Variants in LAMC2 observed in about 807,000 individuals in gnomAD.
The protein encoded by LAMC2 is laminin subunit gamma-2.
A neutral mutation model predicts 140.2 loss-of-function variants in LAMC2; 97 were observed. That is an observed-to-expected ratio of 0.69 (90% CI 0.59 to 0.82). The LOEUF (loss-of-function observed/expected upper bound fraction) is 0.82. Ranked by LOEUF, LAMC2 falls within the 40% of genes least tolerant of loss-of-function variation. LAMC2 has a pLI of 0.00. For missense variants in LAMC2, 1,402 were observed against 1,476.1 expected, an observed-to-expected ratio of 0.95 and a Z score of 0.82; for synonymous variants, 513 against 540.2, an observed-to-expected ratio of 0.95 and a Z score of 0.70.
downstream of LAMC2, among the ~76,000 whole-genome samples, chr1:183,246,186 AAG>A (rs1660239427): frequency 6.6e-6 from 1 of 151,870 alleles, no homozygotes; most frequent in Admixed American, 6.6e-5. Context: ...AAAAAAAAAA[AAG>A]GTCGTAAGAC....
chr1:183,204,773 A>G (rs1658830394), intron 1 of LAMC2, among the ~76,000 whole-genome samples: 2 of 152,256 alleles, frequency 1.3e-5, no homozygotes, highest in Non-Finnish European at 2.9e-5. Context: ...GAATAAATAT[A>G]TAATGAGCTG....
chr1:183,187,593 C>T (rs1658195489), intron 1 of LAMC2, among the ~76,000 whole-genome samples: 1 of 150,836 alleles, frequency 6.6e-6, no homozygotes, highest in South Asian at 2.1e-4. Context: ...TATATCGAAA[C>T]ATCATGTTGT....
rs1354061178 is a variant in LAMC2 at position 183,228,669 on chromosome 1, T to G, written c.1714+50T>G. The G allele has an allele frequency of 1.2e-6, 2 of 1,608,706 alleles. No individual in the cohort carries two copies. The highest frequency in any genetic ancestry group is 1.7e-6 in the Non-Finnish European group (2 of 1,178,254). The stretch of plus-strand genomic sequence containing the variant: ...GTGTCTGTGCGTGCCTGTGTACGTA[T>G]GCACTTGCTTGCCATCTAAGCAGGG... On this transcript the variant is annotated intron_variant, in intron 11 of 22. Coordinates refer to ENST00000264144, the MANE Select transcript of LAMC2 (RefSeq NM_005562.3). This position sits in a 1 kb window ranked among gnomAD's most constrained non-coding sequence, Gnocchi z 4.3.
chr1:183,234,189 T>C (rs897085211), intron 14 of LAMC2, among the ~76,000 whole-genome samples, 178 bp from the exon 15 acceptor site: 6 of 152,188 alleles, frequency 3.9e-5, no homozygotes, highest in Admixed American at 2.6e-4. Flanking sequence ...ACCCGGCCTA[T>C]ACATACTTTT....
At chr1:183,258,175 G>GT in the LAMC2 span, among the ~76,000 whole-genome samples, 1 of 152,134 alleles carries the variant, frequency 6.6e-6, no homozygotes, top group African/African-American at 2.4e-5. Flanking sequence ...CTTCTGCACA[G>GT]TTTTTTTCCA....
intron 10 of LAMC2, 41 bp downstream of exon 10, chr1:183,227,738 C>T: frequency 6.3e-7 from 1 of 1,579,180 alleles, no homozygotes; most frequent in South Asian, 1.1e-5. Flanking sequence ...CTCTTCCTGT[C>T]CTGATGCCAT....
chr1:183,234,348 G>A lies in LAMC2; in HGVS notation c.2221-19G>A, dbSNP rs376681961. 3 of 1,605,810 alleles carry A rather than the reference G, an allele frequency of 1.9e-6. No individual in the cohort carries two copies. The highest frequency in any genetic ancestry group is 2.2e-5 in the East Asian group (1 of 44,854). On this transcript the variant is annotated intron_variant, in intron 14 of 22. Coordinates refer to ENST00000264144, the MANE Select transcript of LAMC2 (RefSeq NM_005562.3). ...AAGCCTTAACCGATTCGCCTTAACC[G>A]ATTCTCCTTTTCCCACAGAACATTC... is the stretch of plus-strand genomic sequence containing the variant.
At chr1:183,212,142 C>T (rs1263442934) in intron 2 of LAMC2, among the ~76,000 whole-genome samples, 2 of 152,096 alleles carry the variant, frequency 1.3e-5, no homozygotes, top group Non-Finnish European at 2.9e-5. Context: ...TTCTGAAAAA[C>T]TACTGCAGGG....
At chr1:183,234,531 A>G (rs1659895298) in intron 15 of LAMC2, 85 bp downstream of exon 15, 2 of 1,064,260 alleles carry the variant, frequency 1.9e-6, no homozygotes, top group Admixed American at 1.8e-5. Flanking sequence ...TAGGGACCCA[A>G]GCATCGTATT....
chr1:183,256,827 C>G, the LAMC2 span, among the ~76,000 whole-genome samples: 6 of 152,260 alleles, frequency 3.9e-5, no homozygotes, highest in Admixed American at 3.3e-4. Context: ...TCTCAGTTCA[C>G]TGCAACCTCT....
chr1:183,217,495 A>T (rs949574367), intron 3 of LAMC2, among the ~76,000 whole-genome samples: 5 of 152,240 alleles, frequency 3.3e-5, no homozygotes, highest in Admixed American at 2.6e-4. Context: ...TCACAGCAAC[A>T]TTACTCATAA....
At chr1:183,255,677 T>A in the LAMC2 span, among the ~76,000 whole-genome samples, 5 of 149,878 alleles carry the variant, frequency 3.3e-5, no homozygotes, top group Non-Finnish European at 5.9e-5. Flanking sequence ...TTTTTTTTTT[T>A]TTTTCAGACA....
the LAMC2 span, chr1:183,251,495 G>GTGTTTTTTTGTTTTGTTT: frequency 6.6e-6 from 1 of 152,338 alleles, no homozygotes; most frequent in African/African-American, 2.4e-5. Flanking sequence ...TGGACTCCTA[G>GTGTTTTTTTGTTTTGTTT]TGTTTTTTTG....
At chr1:183,232,447 A>G in intron 13 of LAMC2, 104 bp downstream of exon 13, 1 of 1,344,574 alleles carries the variant, frequency 7.4e-7, no homozygotes, top group East Asian at 2.4e-5. Context: ...TTCAGCAGTT[A>G]TCTCCAGCCA....
chr1:183,209,127 G>C (rs965371722), intron 2 of LAMC2, among the ~76,000 whole-genome samples: 7 of 152,170 alleles, frequency 4.6e-5, no homozygotes, highest in Admixed American at 3.9e-4. Context: ...AAGGGGGAGA[G>C]AGAGGTGGTT....
rs149512863 is a variant in LAMC2 at position 183,229,157 on chromosome 1, A to G, written c.1714+538A>G. On this transcript the variant is annotated intron_variant, in intron 11 of 22. Transcript: ENST00000264144. ...GGAGCATTCCTGAGGCCTGCTGCAGATCAAAGCATGAATGTGCAGACTGGT... is the reference window on the plus strand; with the variant it reads ...GGAGCATTCCTGAGGCCTGCTGCAGGTCAAAGCATGAATGTGCAGACTGGT... Among the ~76,000 whole-genome samples the G allele has an allele frequency of 6.5e-4, 99 of 152,334 alleles. 2 individuals carry two copies. The highest frequency in any genetic ancestry group is 2.1e-3 in the African/African-American group (89 of 41,574).
At position 183,244,617 on chromosome 1, in the gene LAMC2, T is replaced by C. The variant is rs1660204683; in HGVS notation, c.*1217T>C. The C allele has an allele frequency of 6.6e-6, 1 of 152,660 alleles. No individual in the cohort carries two copies. Among genetic ancestry groups the C allele is most frequent in the African/African-American group, 2.4e-5 (1 of 41,454 alleles). The allele number at this position is 152,660 out of a possible 1,614,324, so 9.5% of individuals were successfully genotyped here. A position where few individuals can be genotyped will look rare whatever the true frequency, so the allele number is the denominator to read the frequency against. On this transcript the variant is annotated 3_prime_UTR_variant, in exon 23 of 23. Transcript: ENST00000264144. ...AATAACCGCTTGGTTTGCAACCTCT[T>C]TGCTCAACAGAACATATGTTGCAAG... is the stretch of plus-strand genomic sequence containing the variant.
chr1:183,222,385 C>T (rs1013564217), intron 6 of LAMC2, among the ~76,000 whole-genome samples, 174 bp downstream of exon 6: 3 of 152,144 alleles, frequency 2.0e-5, no homozygotes, highest in Non-Finnish European at 2.9e-5. Flanking sequence ...TTGAGAGTCA[C>T]TAAGGAATGG....
chr1:183,225,182 G>A (rs1442897629), intron 7 of LAMC2, among the ~76,000 whole-genome samples: 1 of 152,016 alleles, frequency 6.6e-6, no homozygotes, highest in Non-Finnish European at 1.5e-5. Context: ...ACTGATTTTT[G>A]AAAAAAGTAA....
Sources: allele counts gnomAD v4.1 joint callset (sites outside exome capture counted in the v4.1 genomes callset), GRCh38; gene constraint gnomAD v4.1.1; non-coding constraint Gnocchi (gnomAD v3.1); transcripts MANE v1.5; gene names NCBI Gene and HGNC (gene_info 2026-07-23, HGNC 2026-07-21).